SEC16A: variants seen among roughly 807,000 people sequenced by gnomAD.
SEC16A encodes the protein protein transport protein Sec16A.
SEC16A carries 110 observed loss-of-function variants against 221.9 expected under a neutral mutation model. The ratio of observed to expected loss-of-function variants is 0.50; its 90% CI spans 0.42 to 0.58. The LOEUF is 0.58. Ranked by LOEUF, SEC16A falls within the 20% of genes least tolerant of loss-of-function variation. SEC16A has a pLI of 0.00. For missense variants in SEC16A, 3,165 were observed against 3,097.8 expected (o/e 1.02, Z -0.52); for synonymous variants, 1,393 against 1,257.7 (o/e 1.11, Z -2.28).
At chr9:136,461,346 T>C (rs1839455147) in intron 12 of SEC16A, 72 bp from the exon 13 acceptor site, 6 of 1,097,418 alleles carry the variant, frequency 5.5e-6, no homozygotes, top group South Asian at 2.7e-5. Flanking sequence ...AGACAGGCCA[T>C]GTGTCCTCAC....
At chr9:136,467,345 A>G (rs1840288750) in intron 5 of SEC16A, among the ~76,000 whole-genome samples, 1 of 152,194 alleles carries the variant, frequency 6.6e-6, no homozygotes, top group South Asian at 2.1e-4. Flanking sequence ...AAGGTGCTAA[A>G]AGATTTCTTT....
In SEC16A at chr9:136,451,413, C is replaced by T. The variant is rs372933346; in HGVS notation, c.6160-5G>A. The T allele has an allele frequency of 5.0e-5, 80 of 1,591,458 alleles. No homozygotes were observed. The African/African-American group carries it at 7.6e-4, about 15-fold the overall frequency. Reference sequence around the variant, plus strand: ...TGGCACCGTCCTCGAGGGGGTCTGTCGCAAGGAAATGCAGAACAGGCTCTC... The same window carrying T: ...TGGCACCGTCCTCGAGGGGGTCTGTTGCAAGGAAATGCAGAACAGGCTCTC... On this transcript the variant is annotated splice_region_variant and splice_polypyrimidine_tract_variant and intron_variant, in intron 22 of 31. Transcript: ENST00000684901.
Position 136,446,895 on chromosome 9 carries a change from G to A in SEC16A, c.6752C>T (p.Ala2251Val). ...DGTGREGPAA[A>V]RGLANPEPAP... ...AGGCTCTGGATTGGCCAGGCCCCTA[G>A]CTGCTGCAGGCCCTTCCCTGCCAGT... The change falls in exon 28 of 32, where the codon GCT becomes GTT. Residue 2251 changes from alanine to valine, a missense_variant. Coordinates refer to ENST00000684901, the MANE Select transcript of SEC16A (RefSeq NM_014866.2). 6.2e-7 allele frequency: 1 copy of A among 1,613,226 alleles called. No individual in the cohort carries two copies. The highest frequency in any genetic ancestry group is 8.5e-7 in the Non-Finnish European group (1 of 1,179,740).
chr9:136,471,835 A>T, intron 4 of SEC16A, 140 bp downstream of exon 4: 1 of 1,032,566 alleles, frequency 9.7e-7, no homozygotes, highest in South Asian at 1.5e-5. Flanking sequence ...TACCAAGAAA[A>T]TGTCAACATA....
intron 22 of SEC16A, 28 bp from the exon 23 acceptor site, chr9:136,451,436 C>T (rs746273398): frequency 1.1e-5 from 17 of 1,556,092 alleles, no homozygotes; most frequent in Admixed American, 6.1e-5. Context: ...AGAACAGGCT[C>T]TCCTGGGGCT....
At chr9:136,464,288 T>G in intron 9 of SEC16A, 132 bp downstream of exon 9, 1 of 871,668 alleles carries the variant, frequency 1.1e-6, no homozygotes, top group Non-Finnish European at 1.7e-6. Context: ...AATTGAAAAT[T>G]CACAGGAATA....
chr9:136,449,304 G>A (rs1012405216), intron 23 of SEC16A, among the ~76,000 whole-genome samples: 7 of 152,232 alleles, frequency 4.6e-5, no homozygotes, highest in African/African-American at 1.7e-4. Flanking sequence ...AGGCTGGAGT[G>A]CAATGGCGCG....
At position 136,477,604 on chromosome 9, in the gene SEC16A, C is replaced by T. The variant is rs187693952; in HGVS notation, c.12G>A (p.Pro4=). MQP[P]PQTVPSGMAG... ...CCATGCCAGACGGGACCGTCTGGGG[C>T]GGTGGCTGCATGACTGAACCCTTGC... is the stretch of plus-strand genomic sequence containing the variant. Residue 4 remains proline, a synonymous_variant, in exon 3 of 32, where the codon CCG becomes CCA. Transcript: ENST00000684901. The T allele has an allele frequency of 1.3e-5, 21 of 1,607,034 alleles. No homozygotes were observed. In the East Asian group the frequency reaches 2.5e-4, roughly 19 times the overall value.
In SEC16A at chr9:136,459,897, G is replaced by A. The variant is rs375318040; in HGVS notation, c.5074-23C>T. 1.6e-5 allele frequency: 25 copies of A among 1,598,354 alleles called. No individual in the cohort carries two copies. Among genetic ancestry groups the A allele is most frequent in the Middle Eastern group, 1.6e-4 (1 of 6,066 alleles). ...GCACTAACATGAGGAAAAACAAAAC[G>A]AAGCCTCATCCCCGGAAGCCAGCGC... On this transcript the variant is annotated intron_variant, in intron 14 of 31. Transcript: ENST00000684901. The surrounding 1 kb of genome is among the most constrained non-coding windows in gnomAD (Gnocchi z 6.1).
chr9:136,479,939 C>T lies in SEC16A; in HGVS notation c.-191-1109G>A, dbSNP rs1327728823. On this transcript the variant is annotated intron_variant, in intron 1 of 31. Transcript: ENST00000684901. ...ATCGCTTGAGCCAGGGAGGTTGAGG[C>T]TGCAGTGAGCCTTGTTCAAGCCACA... 2.0e-5 allele frequency among the ~76,000 whole-genome samples: 3 copies of T among 151,738 alleles called. No homozygotes were observed. In the East Asian group the frequency reaches 5.8e-4, roughly 30 times the overall value.
upstream of SEC16A, among the ~76,000 whole-genome samples, chr9:136,483,247 G>A (rs1255903193): frequency 2.2e-5 from 1 of 45,200 alleles, no homozygotes; most frequent in Non-Finnish European, 4.2e-5. Context: ...CCCGCCCCTC[G>A]CCGGCGTCCG....
upstream of SEC16A, among the ~76,000 whole-genome samples, chr9:136,483,275 CT>C (rs1842653145): frequency 8.1e-6 from 1 of 123,228 alleles, no homozygotes; most frequent in Non-Finnish European, 1.7e-5. Context: ...CCGCCTCATT[CT>C]TTCGTCCCGC....
chr9:136,481,129 C>CTTTTTTT (rs1000992506), intron 1 of SEC16A, among the ~76,000 whole-genome samples: 42 of 87,974 alleles, frequency 4.8e-4, no homozygotes, highest in Non-Finnish European at 5.7e-4. Context: ...GAATTTTATT[C>CTTTTTTT]TTTTTTTTTT....
Position 136,477,135 on chromosome 9 carries a change from A to G in SEC16A, c.481T>C (p.Tyr161His). 6.2e-7 allele frequency: 1 copy of G among 1,613,824 alleles called. No homozygotes were observed. The highest frequency in any genetic ancestry group is 8.5e-7 in the Non-Finnish European group (1 of 1,179,876). ...EVQTLPYLPH[Y>H]IPGVDPETSH... ...GTTTCAGGATCCACTCCTGGAATGT[A>G]GTGAGGAAGATATGGCAGAGTCTGA... Residue 161 changes from tyrosine (Y) to histidine (H), a missense_variant, in exon 3 of 32, where the codon TAC (tyrosine) becomes CAC (histidine). By Grantham distance (83) the Tyr-to-His change is moderately conservative. Around this residue, in one of 3 missense-constraint regions of SEC16A, gnomAD observed 2,030 missense variants for 1,923.1 expected, o/e 1.06. Transcript: ENST00000684901.
Position 136,475,441 on chromosome 9 carries a change from CAG to C in SEC16A, c.2173_2174del (p.Leu725ValfsTer5). The C allele has an allele frequency of 6.2e-7, 1 of 1,610,592 alleles. No homozygotes were observed. Among genetic ancestry groups the C allele is most frequent in the Non-Finnish European group, 8.5e-7 (1 of 1,177,770 alleles). ...AATCTGGCAGCTCACTTTGCGCCCA[CAG>C]AGTCGTTGCTGGGCTCTCACACTTC... ...PVKCESPATT[L>X]WAQSELPDFG... On this transcript the variant is annotated frameshift_variant, in exon 3 of 32. Transcript: ENST00000684901. LOFTEE classifies it high-confidence loss of function. This position sits in a 1 kb window ranked among gnomAD's most constrained non-coding sequence, Gnocchi z 5.0.
chr9:136,463,211 C>T, intron 11 of SEC16A, 79 bp from the exon 12 acceptor site: 1 of 1,561,030 alleles, frequency 6.4e-7, no homozygotes, highest in Non-Finnish European at 8.7e-7. Flanking sequence ...GGCACAAAGC[C>T]CCACCCTGGA....
At chr9:136,443,512 G>A (rs753108792) in intron 31 of SEC16A, among the ~76,000 whole-genome samples, 8 of 152,168 alleles carry the variant, frequency 5.3e-5, no homozygotes, top group Non-Finnish European at 7.4e-5. Context: ...AGGTGAGACC[G>A]TCTCTACAAA....
Position 136,459,145 on chromosome 9 carries a change from G to C in SEC16A, c.5398C>G (p.Pro1800Ala), listed in dbSNP as rs375988732. The C allele has an allele frequency of 6.2e-7, 1 of 1,609,352 alleles. No individual in the cohort carries two copies. Among genetic ancestry groups the C allele is most frequent in the Non-Finnish European group, 8.5e-7 (1 of 1,176,682 alleles). Reference sequence around the variant, plus strand: ...CAGCACCTGCTTACCTGGAAACTAGGCAGGGGGCAGGTCTCGGCACCCAGG... The same window carrying C: ...CAGCACCTGCTTACCTGGAAACTAGCCAGGGGGCAGGTCTCGGCACCCAGG... Reference protein sequence around the residue: ...QSLGAETCPLPSFQVFKFIYS... With the variant: ...QSLGAETCPLASFQVFKFIYS... The change falls in exon 17 of 32, where the codon CCT becomes GCT. Residue 1800 changes from proline (P) to alanine (A), a missense_variant. Pro to Ala is a conservative substitution (Grantham distance 27). Coordinates refer to ENST00000684901, the MANE Select transcript of SEC16A (RefSeq NM_014866.2). This position sits in a 1 kb window ranked among gnomAD's most constrained non-coding sequence, Gnocchi z 6.1.
Position 136,455,681 on chromosome 9 carries a change from A to G in SEC16A, c.5777T>C (p.Leu1926Pro), listed in dbSNP as rs1277424892. 6.3e-7 allele frequency: 1 copy of G among 1,594,332 alleles called. No homozygotes were observed. The highest frequency in any genetic ancestry group is 1.1e-5 in the South Asian group (1 of 87,096). Reference protein sequence around the residue: ...DRPGLSQPGALGIANPLLAVP... With the variant: ...DRPGLSQPGAPGIANPLLAVP... The stretch of plus-strand genomic sequence containing the variant: ...CGCCAGCAGAGGGTTGGCGATCCCC[A>G]GGGCTCCTGGCTGACTGAGTCCTGG... The change falls in exon 20 of 32, where the codon CTG becomes CCG. Residue 1926 changes from leucine (L) to proline (P), a missense_variant. Leu to Pro is a moderately conservative substitution (Grantham distance 98). Around this residue, in one of 3 missense-constraint regions of SEC16A, gnomAD observed 1,088 missense variants for 1,089.6 expected, o/e 1.00. Coordinates refer to ENST00000684901, the MANE Select transcript of SEC16A (RefSeq NM_014866.2).
Sources: allele counts gnomAD v4.1 joint callset (sites outside exome capture counted in the v4.1 genomes callset), GRCh38; gene constraint gnomAD v4.1.1; regional missense constraint gnomAD v4.1.1; non-coding constraint Gnocchi (gnomAD v3.1); transcripts MANE v1.5; gene names NCBI Gene and HGNC (gene_info 2026-07-23, HGNC 2026-07-21).